The following PLCB1 variants were observed in gnomAD, a reference collection of about 807,000 sequenced individuals.
The protein encoded by PLCB1 is 1-phosphatidylinositol 4,5-bisphosphate phosphodiesterase beta-1.
Under a neutral mutation model 161.8 loss-of-function variants are expected in PLCB1, and 46 were observed. The observed-to-expected ratio is 0.28, with a 90% CI of 0.22 to 0.36. The LOEUF (loss-of-function observed/expected upper bound fraction) is 0.36. Among genes scored for constraint, PLCB1 ranks in the 10% least tolerant of loss-of-function variants. The probability of loss-of-function intolerance (pLI) is 1.00; values close to 1 mark genes in which losing one functional copy is unlikely to be tolerated. For synonymous variants in PLCB1, 517 were observed against 503.7 expected (o/e 1.03, Z -0.35); for missense variants, 1,016 against 1,472.5 (o/e 0.69, Z 5.07).
intron 10 of PLCB1, among the ~76,000 whole-genome samples, chr20:8,692,350 C>A (rs977644452): frequency 6.6e-6 from 1 of 152,132 alleles, no homozygotes. Context: ...TTAGCATATG[C>A]AACGTTTTAT....
At chr20:8,156,915 G>A (rs755793739) in intron 2 of PLCB1, among the ~76,000 whole-genome samples, 5 of 152,126 alleles carry the variant, frequency 3.3e-5, no homozygotes, top group Non-Finnish European at 5.9e-5. Context: ...TTGTCCATAA[G>A]TATTAGAGAC....
chr20:8,878,891 G>A (rs1351334592), intron 31 of PLCB1, among the ~76,000 whole-genome samples: 4 of 152,042 alleles, frequency 2.6e-5, no homozygotes, highest in South Asian at 4.2e-4. Flanking sequence ...TTTGGGATAC[G>A]AATGATCCTG....
chr20:8,834,919 GA>G (rs1276114789), intron 31 of PLCB1, among the ~76,000 whole-genome samples: 1 of 151,706 alleles, frequency 6.6e-6, no homozygotes, highest in Non-Finnish European at 1.5e-5. Flanking sequence ...TTACTCAGGG[GA>G]ATGTTAACCT....
chr20:8,370,389 A>G (rs1243830624), intron 2 of PLCB1, among the ~76,000 whole-genome samples: 1 of 152,056 alleles, frequency 6.6e-6, no homozygotes, highest in East Asian at 1.9e-4. Flanking sequence ...ATGTCCTCCC[A>G]CGTGAATCCG....
At chr20:8,344,412 C>T (rs574033071) in intron 2 of PLCB1, among the ~76,000 whole-genome samples, 167 of 152,332 alleles carry the variant, frequency 1.1e-3, no homozygotes, top group Admixed American at 1.8e-3. Context: ...TGGGTGGGAA[C>T]AGTCACTTTA....
intron 31 of PLCB1, among the ~76,000 whole-genome samples, chr20:8,849,670 C>CA (rs1243817684): frequency 6.8e-6 from 1 of 146,318 alleles, no homozygotes; most frequent in Non-Finnish European, 1.5e-5. Context: ...AACAAGACTC[C>CA]ATCTCAATAA....
chr20:8,171,702 T>C (rs2051734602), intron 2 of PLCB1, among the ~76,000 whole-genome samples: 1 of 152,178 alleles, frequency 6.6e-6, no homozygotes, highest in African/African-American at 2.4e-5. Flanking sequence ...TGTTTATTAT[T>C]ATTACTTCTC....
At chr20:8,429,973 C>T (rs1979963269) in intron 3 of PLCB1, among the ~76,000 whole-genome samples, 1 of 151,908 alleles carries the variant, frequency 6.6e-6, no homozygotes. Flanking sequence ...GCAGTAAGCA[C>T]CTGTGTTAGT....
intron 3 of PLCB1, among the ~76,000 whole-genome samples, chr20:8,485,101 A>C (rs548061677): frequency 6.6e-6 from 1 of 152,368 alleles, no homozygotes; most frequent in East Asian, 1.9e-4. Flanking sequence ...AACCCCATCC[A>C]GTGGGTACTG....
At chr20:8,251,287 G>T (rs139860661) in intron 2 of PLCB1, among the ~76,000 whole-genome samples, 3 of 151,996 alleles carry the variant, frequency 2.0e-5, no homozygotes, top group African/African-American at 7.2e-5. Context: ...AATTTGGGGG[G>T]AACACAAACA....
intron 3 of PLCB1, among the ~76,000 whole-genome samples, chr20:8,495,806 C>G (rs771380113): frequency 6.6e-6 from 1 of 152,168 alleles, no homozygotes; most frequent in Non-Finnish European, 1.5e-5. Context: ...TTTGTATTCT[C>G]TATTCCATCC....
chr20:8,840,733 G>A (rs138726516), intron 31 of PLCB1, among the ~76,000 whole-genome samples: 4 of 152,046 alleles, frequency 2.6e-5, no homozygotes, highest in Admixed American at 1.3e-4. Flanking sequence ...CTTTAAGACC[G>A]AATCTCATCA....
chr20:8,662,059 A>T (rs1315585798), intron 9 of PLCB1, among the ~76,000 whole-genome samples: 2 of 78,426 alleles, frequency 2.6e-5, no homozygotes, highest in African/African-American at 9.9e-5. Flanking sequence ...ATAATTATAT[A>T]TTTATTATAT....
intron 9 of PLCB1, among the ~76,000 whole-genome samples, chr20:8,662,779 G>A (rs1989715842): frequency 6.6e-6 from 1 of 151,760 alleles, no homozygotes; most frequent in African/African-American, 2.4e-5. Context: ...GCTCTAAGAA[G>A]TAAAGAGAAG....
intron 3 of PLCB1, among the ~76,000 whole-genome samples, chr20:8,438,051 A>T: frequency 6.6e-6 from 1 of 152,256 alleles, no homozygotes; most frequent in South Asian, 2.1e-4. Flanking sequence ...AACTTTTAAA[A>T]TTTATATCTT....
intron 2 of PLCB1, among the ~76,000 whole-genome samples, chr20:8,275,474 T>C (rs1173155818): frequency 6.6e-6 from 1 of 152,196 alleles, no homozygotes; most frequent in East Asian, 1.9e-4. Context: ...TTTGTGGTTA[T>C]GAACAAGAAT....
intron 26 of PLCB1, among the ~76,000 whole-genome samples, chr20:8,770,639 G>A (rs1982629579): frequency 6.6e-6 from 1 of 152,178 alleles, no homozygotes; most frequent in Admixed American, 6.5e-5. Context: ...ATCTGGAAAG[G>A]CGGGACAACT....
chr20:8,735,960 G>T (rs1215400958), intron 19 of PLCB1, among the ~76,000 whole-genome samples: 1 of 152,190 alleles, frequency 6.6e-6, no homozygotes, highest in African/African-American at 2.4e-5. Context: ...GCCTTTGATA[G>T]CTATTCTCAT....
intron 1 of PLCB1, among the ~76,000 whole-genome samples, chr20:8,139,110 A>G (rs1438642892): frequency 3.2e-5 from 3 of 93,804 alleles, no homozygotes; most frequent in Admixed American, 2.9e-4. Context: ...TTTTTGAGAC[A>G]GAGTCTTGCT....
Sources: gnomAD v4.1 joint callset for allele counts (sites outside exome capture counted in the v4.1 genomes callset) on GRCh38, gnomAD v4.1.1 for gene constraint, MANE v1.5 for transcripts, NCBI Gene and HGNC (gene_info 2026-07-23, HGNC 2026-07-21) for gene names.